DNAH7: variants seen among roughly 807,000 people sequenced by gnomAD.
DNAH7 encodes the protein axonemal beta dynein heavy chain 7.
DNAH7 carries 397 observed loss-of-function variants against 444.6 expected under a neutral mutation model. The ratio of observed to expected loss-of-function variants is 0.89; its 90% confidence interval spans 0.82 to 0.97. The LOEUF is 0.97. Among genes scored for constraint, DNAH7 ranks in the 50% least tolerant of loss-of-function variants. The pLI, the probability that DNAH7 is intolerant of heterozygous loss-of-function variation, is 0.00. For synonymous variants in DNAH7, 1,636 were observed against 1,624.4 expected (o/e 1.01, Z -0.17); for missense variants, 4,902 against 4,800.8 (o/e 1.02, Z -0.62).
At chr2:195,761,141 T>C (rs1477520959) in intron 61 of DNAH7, among the ~76,000 whole-genome samples, 1 of 143,674 alleles carries the variant, frequency 7.0e-6, no homozygotes, top group Admixed American at 7.0e-5. Flanking sequence ...AACAAAGAGA[T>C]TGAGATTTTT....
At chr2:195,741,253 A>G (rs1439567968) in intron 63 of DNAH7, 1 of 152,290 alleles carries the variant, frequency 6.6e-6, no homozygotes, top group Non-Finnish European at 1.5e-5. Context: ...ATAGGGATCC[A>G]GTGGTGGCTA....
chr2:195,976,338 G>C lies in DNAH7; in HGVS notation c.1834-3872C>G, dbSNP rs539611463. ...GGTGGTGGACATAAGAGTCTCCTCT[G>C]CTTATCAAAAGGGGAGGGAAGAGTG... On this transcript the variant is annotated intron_variant, in intron 15 of 64. Transcript: ENST00000312428. 5.3e-5 allele frequency among the ~76,000 whole-genome samples: 8 copies of C among 152,270 alleles called. No individual in the cohort carries two copies. In the East Asian group the frequency reaches 1.4e-3, roughly 26 times the overall value.
chr2:195,910,585 G>A (rs1017396860), intron 24 of DNAH7, among the ~76,000 whole-genome samples: 4 of 152,242 alleles, frequency 2.6e-5, no homozygotes, highest in South Asian at 4.1e-4. Flanking sequence ...AATTACCAAC[G>A]AAGAGGGAAT....
intron 12 of DNAH7, among the ~76,000 whole-genome samples, chr2:195,988,939 T>C (rs1693108012): frequency 6.6e-6 from 1 of 152,190 alleles, no homozygotes; most frequent in Admixed American, 6.5e-5. Context: ...TCATTCAGTA[T>C]TTGTCTTTCT....
rs17589066 is a variant in DNAH7 at position 195,832,300 on chromosome 2, C to T, written c.9100+1906G>A. Among the ~76,000 whole-genome samples, 3,658 of 152,164 alleles carry T rather than the reference C, an allele frequency of 0.024. 244 individuals carry two copies. In the East Asian group the frequency reaches 0.26, roughly 11 times the overall value. ...TTGTGACTGACATCACAGAAATCTC[C>T]AGAATGTCAAGCATATGGTAGATGC... On this transcript the variant is annotated intron_variant, in intron 48 of 64. Coordinates refer to ENST00000312428, the MANE Select transcript of DNAH7 (RefSeq NM_018897.3).
intron 63 of DNAH7, among the ~76,000 whole-genome samples, chr2:195,746,509 A>G (rs943571585): frequency 6.6e-6 from 1 of 152,212 alleles, no homozygotes. Context: ...ATAGACATCT[A>G]CAGAACTCTC....
chr2:196,027,019 T>G (rs1695732308), intron 6 of DNAH7, 79 bp from the exon 7 acceptor site: 3 of 1,184,816 alleles, frequency 2.5e-6, no homozygotes, highest in Non-Finnish European at 3.5e-6. Context: ...CCAAGCAAAA[T>G]TCAAGTTTTA....
chr2:196,030,342 CACA>C (rs1036977437), intron 5 of DNAH7, among the ~76,000 whole-genome samples: 1 of 152,138 alleles, frequency 6.6e-6, no homozygotes, highest in Non-Finnish European at 1.5e-5. Context: ...GGGTCCCTCC[CACA>C]ACATGTGGTA....
chr2:195,983,198 T>C (rs1444398220), intron 15 of DNAH7, among the ~76,000 whole-genome samples: 1 of 152,146 alleles, frequency 6.6e-6, no homozygotes, highest in Non-Finnish European at 1.5e-5. Flanking sequence ...GTTATAAGAA[T>C]GAAAAGTAAA....
chr2:196,044,913 T>A (rs1276079825), intron 5 of DNAH7, among the ~76,000 whole-genome samples: 1 of 151,636 alleles, frequency 6.6e-6, no homozygotes, highest in Non-Finnish European at 1.5e-5. Flanking sequence ...CAAAAAATAA[T>A]AATAATACAA....
chr2:195,947,640 T>A (rs1392529511), intron 19 of DNAH7, among the ~76,000 whole-genome samples: 6 of 152,208 alleles, frequency 3.9e-5, no homozygotes, highest in South Asian at 2.1e-4. Context: ...TTTTTATGGC[T>A]GCATATTATT....
intron 60 of DNAH7, among the ~76,000 whole-genome samples, chr2:195,772,188 A>T (rs1259013218): frequency 6.6e-6 from 1 of 152,222 alleles, no homozygotes; most frequent in African/African-American, 2.4e-5. Context: ...GGAGTTGCAG[A>T]TGCTGCAGAT....
At chr2:195,840,027 T>C (rs931713243) in intron 47 of DNAH7, among the ~76,000 whole-genome samples, 1 of 151,760 alleles carries the variant, frequency 6.6e-6, no homozygotes, top group African/African-American at 2.4e-5. Flanking sequence ...AGCATTACTC[T>C]GAAAGCAAAA....
At chr2:195,852,554 A>G (rs930047756) in intron 46 of DNAH7, among the ~76,000 whole-genome samples, 9 of 152,150 alleles carry the variant, frequency 5.9e-5, no homozygotes, top group African/African-American at 1.9e-4. Flanking sequence ...TGATAGGGCC[A>G]TGACCCAGGT....
At chr2:196,047,622 T>A in intron 4 of DNAH7, 123 bp from the exon 5 acceptor site, 1 of 799,032 alleles carries the variant, frequency 1.3e-6, no homozygotes, top group Non-Finnish European at 1.7e-6. Context: ...CAAGTAATCC[T>A]AAGTATAATT....
chr2:195,877,098 G>T (rs1444243932), intron 36 of DNAH7, among the ~76,000 whole-genome samples: 1 of 152,118 alleles, frequency 6.6e-6, no homozygotes, highest in East Asian at 1.9e-4. Flanking sequence ...CTGTAAGTTA[G>T]AAAGCTTAAA....
chr2:195,792,537 C>T (rs943376259), intron 57 of DNAH7, among the ~76,000 whole-genome samples: 2 of 150,820 alleles, frequency 1.3e-5, no homozygotes, highest in East Asian at 1.9e-4. Context: ...ACAAAAGAGA[C>T]GAGGCAATTA....
At chr2:195,835,446 A>C (rs1301280576) in intron 47 of DNAH7, among the ~76,000 whole-genome samples, 1 of 152,046 alleles carries the variant, frequency 6.6e-6, no homozygotes, top group Non-Finnish European at 1.5e-5. Context: ...TAACATATTA[A>C]ATTCACTCTC....
intron 63 of DNAH7, among the ~76,000 whole-genome samples, chr2:195,747,273 C>G (rs1559068204): frequency 6.6e-6 from 1 of 152,188 alleles, no homozygotes; most frequent in Non-Finnish European, 1.5e-5. Flanking sequence ...TTCCACAACA[C>G]ATATATCCTC....
Sources: allele counts gnomAD v4.1 joint callset (sites outside exome capture counted in the v4.1 genomes callset), GRCh38; gene constraint gnomAD v4.1.1; transcripts MANE v1.5; gene names NCBI Gene and HGNC (gene_info 2026-07-23, HGNC 2026-07-21).